NMI: variants seen among roughly 807,000 people sequenced by gnomAD.
NMI encodes the protein N-myc and STAT interactor, also known as N-myc-interactor.
In NMI, 39 loss-of-function variants were observed where a neutral mutation model predicts 34.3. The ratio of observed to expected loss-of-function variants is 1.14; its 90% confidence interval spans 0.88 to 1.49. The LOEUF (loss-of-function observed/expected upper bound fraction) is 1.49, where lower values mean the gene tolerates loss of function less well. NMI is among the 40% of genes most tolerant of loss of function. The probability of loss-of-function intolerance (pLI) is 0.00; values close to 1 mark genes in which losing one functional copy is unlikely to be tolerated. For missense variants in NMI, 339 were observed against 358.1 expected (o/e 0.95, Z 0.43); for synonymous variants, 113 against 120.3 (o/e 0.94, Z 0.40).
rs781138618 is a variant in NMI at position 151,278,980 on chromosome 2, T to A, written c.188A>T (p.Asp63Val). Reference sequence around the variant, plus strand: ...GAATTTCATCTTTGTTTCAGGAATATCCTCTTTAATCTAATCCAAATGAAA... The same window carrying A: ...GAATTTCATCTTTGTTTCAGGAATAACCTCTTTAATCTAATCCAAATGAAA... ...EATKEFQIKE[D>V]IPETKMKFLS... is the part of the protein sequence containing the mutation. The change falls in exon 4 of 8, where the codon GAT (aspartate) becomes GTT (valine). Residue 63 changes from aspartate (D) to valine (V), a missense_variant. Coordinates refer to ENST00000243346, the MANE Select transcript of NMI (RefSeq NM_004688.3). 1 of 1,594,822 alleles carries A rather than the reference T, an allele frequency of 6.3e-7. No homozygotes were observed. The highest frequency in any genetic ancestry group is 1.1e-5 in the South Asian group (1 of 90,072).
chr2:151,282,863 T>C lies in NMI; in HGVS notation c.81+5A>G. 7.1e-7 allele frequency: 1 copy of C among 1,410,354 alleles called. No individual in the cohort carries two copies. Among genetic ancestry groups the C allele is most frequent in the Non-Finnish European group, 9.7e-7 (1 of 1,029,716 alleles). The allele number at this position is 1,410,354 out of a possible 1,614,324, so 87.4% of individuals were successfully genotyped here. Reference sequence around the variant, plus strand: ...TTTAATAATACCCAGTAATTTCCTTTTTACCTTATTTTGTTCATCTTTTAT... The same window carrying C: ...TTTAATAATACCCAGTAATTTCCTTCTTACCTTATTTTGTTCATCTTTTAT... On this transcript the variant is annotated splice_donor_5th_base_variant and intron_variant, in intron 2 of 7. Transcript: ENST00000243346.
At position 151,270,679 on chromosome 2, in the gene NMI, T is replaced by A. The variant is rs773057326; in HGVS notation, c.*14A>T. 1 of 1,584,018 alleles carries A rather than the reference T, an allele frequency of 6.3e-7. No individual in the cohort carries two copies. The highest frequency in any genetic ancestry group is 1.2e-5 in the South Asian group (1 of 86,466). ...CCGGGTTAAAAAGCTATAGTTTTCATGATTCTGTTAAGTCTATTCTTCAAA... is the reference window on the plus strand; with the variant it reads ...CCGGGTTAAAAAGCTATAGTTTTCAAGATTCTGTTAAGTCTATTCTTCAAA... On this transcript the variant is annotated 3_prime_UTR_variant, in exon 8 of 8. Transcript: ENST00000243346.
intron 3 of NMI, among the ~76,000 whole-genome samples, chr2:151,280,874 G>A (rs1573745903): frequency 1.3e-5 from 2 of 150,528 alleles, no homozygotes; most frequent in South Asian, 2.1e-4. Context: ...GCGGCGCCTC[G>A]CTCTGTCGCC....
chr2:151,288,314 C>G (rs947448869), intron 1 of NMI, among the ~76,000 whole-genome samples: 18 of 152,108 alleles, frequency 1.2e-4, no homozygotes, highest in African/African-American at 4.3e-4. Context: ...AAAGTGAAAG[C>G]GGAAGACAGA....
At chr2:151,289,465 G>A (rs1156646470) in intron 1 of NMI, 128 bp downstream of exon 1, 1 of 152,218 alleles carries the variant, frequency 6.6e-6, no homozygotes, top group Non-Finnish European at 1.5e-5. Flanking sequence ...GGGGAGCAGG[G>A]TCTCAACTCC....
intron 1 of NMI, among the ~76,000 whole-genome samples, chr2:151,283,472 T>C (rs1683443972): frequency 6.6e-6 from 1 of 152,190 alleles, no homozygotes; most frequent in Admixed American, 6.5e-5. Context: ...CTATAATATA[T>C]AAAAAGATTC....
At chr2:151,287,719 G>A (rs754404906) in intron 1 of NMI, among the ~76,000 whole-genome samples, 11 of 151,774 alleles carry the variant, frequency 7.2e-5, no homozygotes, top group South Asian at 4.2e-4. Flanking sequence ...GTCATTTTCC[G>A]TGACACATCA....
rs1683168486 is a variant in NMI at position 151,270,755 on chromosome 2, C to A, written c.862G>T (p.Gly288Ter). 15 of 1,614,004 alleles carry A rather than the reference C, an allele frequency of 9.3e-6. No individual in the cohort carries two copies. Among genetic ancestry groups the A allele is most frequent in the Non-Finnish European group, 1.3e-5 (15 of 1,179,926 alleles). Reference protein sequence around the residue: ...IHFQRAKNGGGEVDVVKCSLG... With the variant: ...IHFQRAKNGG ...GAACACTTGACCACATCTACTTCTC[C>A]ACCTCCATTCTTTGCCCGTTGAAAG... Residue 288 changes from glycine (G) to a stop codon, truncating the protein, a stop_gained, in exon 8 of 8, where the codon GGA becomes TGA. Coordinates refer to ENST00000243346, the MANE Select transcript of NMI (RefSeq NM_004688.3). LOFTEE classifies it high-confidence loss of function.
intron 7 of NMI, among the ~76,000 whole-genome samples, chr2:151,271,121 G>A (rs979101877): frequency 3.3e-5 from 5 of 152,226 alleles, no homozygotes; most frequent in Non-Finnish European, 5.9e-5. Flanking sequence ...TAAAGAGGTA[G>A]TCAGAAGTGG....
intron 7 of NMI, 80 bp downstream of exon 7, chr2:151,271,545 AC>A: frequency 1.3e-6 from 1 of 774,004 alleles, no homozygotes; most frequent in Admixed American, 2.2e-5. Context: ...TGCATAAGTA[AC>A]AGACTCACAA....
chr2:151,275,646 T>G lies in NMI; in HGVS notation c.472A>C (p.Lys158Gln). Residue 158 changes from lysine to glutamine, a missense_variant, in exon 6 of 8, where the codon AAA becomes CAA. Transcript: ENST00000243346. ...FQVYVEVSKM[K>Q]INVTEIPDTL... ...TCAGGAATTTCAGTAACATTGATTT[T>G]CATTTTAGAAACTTCTACATAAACC... The G allele has an allele frequency of 6.2e-7, 1 of 1,614,150 alleles. No individual in the cohort carries two copies. Among genetic ancestry groups the G allele is most frequent in the African/African-American group, 1.3e-5 (1 of 75,068 alleles).
chr2:151,280,166 G>A (rs1332517827), intron 3 of NMI, among the ~76,000 whole-genome samples: 1 of 125,018 alleles, frequency 8.0e-6, no homozygotes, highest in Non-Finnish European at 1.7e-5. Context: ...TTGCATTCCA[G>A]CCTGGGCAAC....
chr2:151,279,054 T>C, intron 3 of NMI, 64 bp from the exon 4 acceptor site: 1 of 1,106,568 alleles, frequency 9.0e-7, no homozygotes, highest in East Asian at 2.5e-5. Context: ...CTTCCAATGA[T>C]AATGTAATTT....
intron 1 of NMI, among the ~76,000 whole-genome samples, chr2:151,286,893 A>AT (rs1228575253): frequency 7.2e-5 from 11 of 152,008 alleles, no homozygotes; most frequent in East Asian, 1.9e-4. Flanking sequence ...TCACTATGTG[A>AT]TTTTTTTCCC....
intron 6 of NMI, among the ~76,000 whole-genome samples, chr2:151,273,710 A>AG (rs1465851870): frequency 5.3e-5 from 8 of 151,940 alleles, no homozygotes; most frequent in Non-Finnish European, 7.4e-5. Context: ...TTGGTGGAGA[A>AG]GGGGTCTCGC....
At chr2:151,275,368 C>A in intron 6 of NMI, 116 bp downstream of exon 6, 1 of 928,020 alleles carries the variant, frequency 1.1e-6, no homozygotes, top group Non-Finnish European at 1.6e-6. Flanking sequence ...TTTAAAATCC[C>A]CAATTATCAT....
rs563822770 is a variant in NMI, at chr2:151,282,255, T to C, written c.82-212A>G. 7.4e-4 allele frequency among the ~76,000 whole-genome samples: 112 copies of C among 152,344 alleles called. 1 individual carries two copies. In the South Asian group the frequency reaches 0.023, roughly 31 times the overall value. On this transcript the variant is annotated intron_variant, in intron 2 of 7. Transcript: ENST00000243346. ...TTGCCAAGTAGTACTATCTCCATTA[T>C]ATAAATCAGGAAACCACCTTTTACA... is the stretch of plus-strand genomic sequence containing the variant.
intron 1 of NMI, 71 bp from the exon 2 acceptor site, chr2:151,283,025 C>A: frequency 1.4e-6 from 1 of 700,334 alleles, no homozygotes; most frequent in Non-Finnish European, 2.2e-6. Flanking sequence ...GAAATAAGAA[C>A]TTTTACCCTT....
chr2:151,287,578 G>GA, intron 1 of NMI, among the ~76,000 whole-genome samples: 1 of 152,000 alleles, frequency 6.6e-6, no homozygotes, highest in Admixed American at 6.6e-5. Context: ...TCCATCTAAT[G>GA]AAATCTTACT....
Sources: allele counts gnomAD v4.1 joint callset (sites outside exome capture counted in the v4.1 genomes callset), GRCh38; gene constraint gnomAD v4.1.1; transcripts MANE v1.5; gene names NCBI Gene and HGNC (gene_info 2026-07-23, HGNC 2026-07-21).